The following PDE4B variants were observed in gnomAD, a reference collection of about 807,000 sequenced individuals.
The protein encoded by PDE4B is 3',5'-cyclic-AMP phosphodiesterase 4B.
A neutral mutation model predicts 82.2 loss-of-function variants in PDE4B; 20 were observed. The observed-to-expected ratio is 0.24, with a 90% CI of 0.17 to 0.35. The LOEUF (loss-of-function observed/expected upper bound fraction) is 0.35. PDE4B is among the 10% of genes least tolerant of loss of function. The pLI is 1.00. For synonymous variants in PDE4B, 320 were observed against 318.9 expected (o/e 1.00, Z -0.04); for missense variants, 655 against 907.2 (o/e 0.72, Z 3.57).
intron 3 of PDE4B, among the ~76,000 whole-genome samples, chr1:66,183,819 G>A (rs1647123080): frequency 6.6e-6 from 1 of 152,070 alleles, no homozygotes; most frequent in Non-Finnish European, 1.5e-5. Flanking sequence ...AGAGAACTGA[G>A]GACAAAACAA....
At chr1:65,966,649 A>G (rs982435314) in intron 3 of PDE4B, among the ~76,000 whole-genome samples, 1 of 152,210 alleles carries the variant, frequency 6.6e-6, no homozygotes, top group East Asian at 1.9e-4. Flanking sequence ...TTCAAACTAT[A>G]CTACAAGGTT....
intron 3 of PDE4B, among the ~76,000 whole-genome samples, chr1:66,025,439 G>T (rs901430733): frequency 6.6e-6 from 1 of 152,060 alleles, no homozygotes; most frequent in Non-Finnish European, 1.5e-5. Flanking sequence ...AACTCATAGA[G>T]TATAAATCTG....
chr1:65,810,348 C>T (rs952699444), intron 1 of PDE4B, among the ~76,000 whole-genome samples: 1 of 152,194 alleles, frequency 6.6e-6, no homozygotes, highest in Non-Finnish European at 1.5e-5. Flanking sequence ...GCTTTAAATG[C>T]AGTCTCATTT....
At chr1:66,235,303 T>C (rs550876915) in intron 3 of PDE4B, among the ~76,000 whole-genome samples, 1 of 152,358 alleles carries the variant, frequency 6.6e-6, no homozygotes, top group African/African-American at 2.4e-5. Flanking sequence ...CATCAATTAT[T>C]GAGGCTATAA....
rs868172522 is a variant in PDE4B, at chr1:66,000,902, G to A, written c.281+82067G>A. Among the ~76,000 whole-genome samples the A allele has an allele frequency of 8.5e-5, 13 of 152,166 alleles. No individual in the cohort carries two copies. The South Asian group carries it at 1.0e-3, about 12-fold the overall frequency. On this transcript the variant is annotated intron_variant, in intron 3 of 16. Transcript: ENST00000341517. The stretch of plus-strand genomic sequence containing the variant: ...TCTAGGAGCCATTTGGAGATTCCTC[G>A]AAAAAGAGGGTGGTGATGATCTGTT...
intron 3 of PDE4B, among the ~76,000 whole-genome samples, chr1:66,195,211 C>T (rs1570442538): frequency 6.6e-6 from 1 of 152,106 alleles, no homozygotes; most frequent in East Asian, 1.9e-4. Context: ...CAGAGCCAAT[C>T]CAAATTCACT....
At chr1:66,130,495 TCA>T (rs746408466) in intron 3 of PDE4B, among the ~76,000 whole-genome samples, 17 of 152,260 alleles carry the variant, frequency 1.1e-4, no homozygotes, top group Non-Finnish European at 1.9e-4. Context: ...GAGGGACACC[TCA>T]CAGACCCCCA....
intron 3 of PDE4B, among the ~76,000 whole-genome samples, chr1:66,025,785 A>C (rs1275494265): frequency 6.6e-6 from 1 of 152,176 alleles, no homozygotes; most frequent in African/African-American, 2.4e-5. Context: ...CAGCAAGCAA[A>C]TTATCCCATG....
intron 1 of PDE4B, among the ~76,000 whole-genome samples, chr1:65,884,873 A>G (rs1639223773): frequency 6.6e-6 from 1 of 152,230 alleles, no homozygotes; most frequent in African/African-American, 2.4e-5. Flanking sequence ...ATCTAATTAA[A>G]CTAAGGAGCT....
At chr1:66,213,447 C>A (rs574761669) in intron 3 of PDE4B, among the ~76,000 whole-genome samples, 83 of 152,276 alleles carry the variant, frequency 5.5e-4, no homozygotes, top group African/African-American at 1.8e-3. Context: ...ATCCCTAGAT[C>A]TTTGCTACAT....
chr1:65,815,116 G>T lies in PDE4B; in HGVS notation c.-71+21868G>T, dbSNP rs892825921. ...GTACACGTGCACAATGTGCAGGTTA[G>T]TTACATATGTATACATGTGCCATGC... On this transcript the variant is annotated intron_variant, in intron 1 of 16. Transcript: ENST00000341517. Among the ~76,000 whole-genome samples the T allele has an allele frequency of 2.6e-5, 4 of 151,248 alleles. No individual in the cohort carries two copies. The South Asian group carries it at 8.3e-4, about 31-fold the overall frequency.
intron 3 of PDE4B, among the ~76,000 whole-genome samples, chr1:66,123,609 A>G (rs1387263439): frequency 1.6e-5 from 2 of 127,338 alleles, no homozygotes; most frequent in East Asian, 4.4e-4. Context: ...CTTTAATGTT[A>G]TTCTGCTTCT....
At chr1:65,828,923 A>G (rs1646050090) in intron 1 of PDE4B, among the ~76,000 whole-genome samples, 1 of 152,232 alleles carries the variant, frequency 6.6e-6, no homozygotes. Flanking sequence ...AATAGACGAC[A>G]GCTAGCAAGA....
intron 3 of PDE4B, among the ~76,000 whole-genome samples, chr1:66,140,287 C>A (rs185641480): frequency 6.6e-6 from 1 of 152,136 alleles, no homozygotes; most frequent in African/African-American, 2.4e-5. Context: ...CACTCGAAAC[C>A]GCCTCAGAGA....
At chr1:66,003,621 T>C (rs1252062109) in intron 3 of PDE4B, among the ~76,000 whole-genome samples, 2 of 152,192 alleles carry the variant, frequency 1.3e-5, no homozygotes, top group African/African-American at 4.8e-5. Context: ...ATTAATAAGC[T>C]GAGACTATTT....
At chr1:66,089,049 G>C (rs1240799331) in intron 3 of PDE4B, among the ~76,000 whole-genome samples, 2 of 152,060 alleles carry the variant, frequency 1.3e-5, no homozygotes, top group Non-Finnish European at 2.9e-5. Flanking sequence ...TGACATTGTT[G>C]TTATGAAAGC....
intron 1 of PDE4B, among the ~76,000 whole-genome samples, chr1:65,911,301 A>T (rs1284659942): frequency 6.6e-6 from 1 of 152,184 alleles, no homozygotes; most frequent in African/African-American, 2.4e-5. Flanking sequence ...ATATTGTTCT[A>T]CATTTTCTCC....
intron 1 of PDE4B, among the ~76,000 whole-genome samples, chr1:65,887,801 T>G (rs1646808078): frequency 6.6e-6 from 1 of 151,902 alleles, no homozygotes; most frequent in African/African-American, 2.4e-5. Context: ...CATTTTTCAA[T>G]GAGATTTTTT....
At chr1:65,823,663 T>C (rs1645982381) in intron 1 of PDE4B, among the ~76,000 whole-genome samples, 1 of 152,152 alleles carries the variant, frequency 6.6e-6, no homozygotes, top group South Asian at 2.1e-4. Context: ...ATCATCTAAC[T>C]CCCTTGTTCA....
Sources: gnomAD v4.1 joint callset for allele counts (sites outside exome capture counted in the v4.1 genomes callset) on GRCh38, gnomAD v4.1.1 for gene constraint, MANE v1.5 for transcripts, NCBI Gene and HGNC (gene_info 2026-07-23, HGNC 2026-07-21) for gene names.